Variants in TOX3 observed in about 807,000 individuals in gnomAD.
The protein encoded by TOX3 is TOX high mobility group box family member 3, also known as CAG trinucleotide repeat-containing gene F9 protein.
In TOX3, 22 loss-of-function variants were observed where a neutral mutation model predicts 64.3. That is an observed-to-expected ratio of 0.34 (90% CI 0.24 to 0.49). TOX3 has a LOEUF of 0.49. Ranked by LOEUF, TOX3 falls within the 20% of genes least tolerant of loss-of-function variation. The pLI is 0.99. For missense variants in TOX3, 661 were observed against 714.4 expected (o/e 0.93, Z 0.85); for synonymous variants, 291 against 273.6 (o/e 1.06, Z -0.63).
In TOX3 at chr16:52,444,262, C is replaced by T. The variant is rs1186887817; in HGVS notation, c.987+14G>A. ...TGACTATTTTGGAGCCTGGCCGCCC[C>T]TGCCCAGGTTTACCTTAGAAACGAG... On this transcript the variant is annotated intron_variant, in intron 6 of 6. Transcript: ENST00000219746. 3.2e-6 allele frequency: 5 copies of T among 1,547,062 alleles called. No individual in the cohort carries two copies. In the African/African-American group the frequency reaches 5.4e-5, roughly 17 times the overall value.
intron 1 of TOX3, among the ~76,000 whole-genome samples, chr16:52,542,573 G>A (rs768037459): frequency 2.2e-4 from 33 of 152,168 alleles, no homozygotes; most frequent in Non-Finnish European, 4.6e-4. Context: ...GCTGACGAAG[G>A]CTATCCCTTT....
chr16:52,512,043 T>G (rs1411974701), intron 1 of TOX3, among the ~76,000 whole-genome samples: 2 of 152,168 alleles, frequency 1.3e-5, no homozygotes, highest in East Asian at 3.8e-4. Context: ...AATCCTGCCA[T>G]ATCTGCCTCC....
intron 1 of TOX3, among the ~76,000 whole-genome samples, chr16:52,511,715 A>G (rs1021997796): frequency 6.6e-6 from 1 of 152,230 alleles, no homozygotes; most frequent in Non-Finnish European, 1.5e-5. Context: ...TAACCCAAAT[A>G]GTTCCAGAAA....
At chr16:52,444,460 G>C in intron 5 of TOX3, 104 bp from the exon 6 acceptor site, 1 of 903,398 alleles carries the variant, frequency 1.1e-6, no homozygotes, top group Non-Finnish European at 1.6e-6. Context: ...ACATAAAAAG[G>C]TTGGTCTCCT....
rs1961593869 is a variant in TOX3, at chr16:52,488,683, G to A, written c.88-20109C>T. 2.0e-5 allele frequency among the ~76,000 whole-genome samples: 3 copies of A among 152,058 alleles called. No individual in the cohort carries two copies. In the South Asian group the frequency reaches 6.2e-4, roughly 32 times the overall value. On this transcript the variant is annotated intron_variant, in intron 1 of 6. Coordinates refer to ENST00000219746, the MANE Select transcript of TOX3 (RefSeq NM_001080430.4). ...ATATTTACTTGGGTTCTAGGAAGTA[G>A]ACCAAAAAAATTGTCCTCAAATCTA...
intron 1 of TOX3, among the ~76,000 whole-genome samples, chr16:52,469,137 C>A (rs1268742722): frequency 6.6e-6 from 1 of 152,106 alleles, no homozygotes; most frequent in African/African-American, 2.4e-5. Flanking sequence ...TATCTATATC[C>A]ATCAGAGTTG....
chr16:52,546,819 CG>C lies in TOX3; in HGVS notation c.-97del. 2.4e-6 allele frequency: 3 copies of C among 1,276,036 alleles called. No individual in the cohort carries two copies. The highest frequency in any genetic ancestry group is 3.0e-6 in the Non-Finnish European group (3 of 1,012,150). The allele number at this position is 1,276,036 out of a possible 1,614,324, so 79.0% of individuals were successfully genotyped here. The stretch of plus-strand genomic sequence containing the variant: ...CGCTAGATCCACCGTCGAGGGCGCC[CG>C]GGGGTGGCGCGTGGGACTCGCGGCC... On this transcript the variant is annotated 5_prime_UTR_variant, in exon 1 of 7. Coordinates refer to ENST00000219746, the MANE Select transcript of TOX3 (RefSeq NM_001080430.4).
In TOX3 at chr16:52,475,745, A is replaced by G. The variant is rs1961188304; in HGVS notation, c.88-7171T>C. 2.6e-5 allele frequency: 4 copies of G among 152,198 alleles called. 1 individual carries two copies. The South Asian group carries it at 8.3e-4, about 32-fold the overall frequency. The allele number at this position is 152,198 out of a possible 1,614,324, so 9.4% of individuals were successfully genotyped here. A position where few individuals can be genotyped will look rare whatever the true frequency, so the allele number is the denominator to read the frequency against. On this transcript the variant is annotated intron_variant, in intron 1 of 6. Coordinates refer to ENST00000219746, the MANE Select transcript of TOX3 (RefSeq NM_001080430.4). The stretch of plus-strand genomic sequence containing the variant: ...TCTAATTTAAAATTTCCTCTTCTAA[A>G]AAAACTGCTTTATATTATAGGTCAG...
At chr16:52,468,470 A>C in intron 2 of TOX3, 39 bp downstream of exon 2, 2 of 1,581,912 alleles carry the variant, frequency 1.3e-6, no homozygotes, top group South Asian at 2.3e-5. Context: ...TCTCAATAAC[A>C]CAAAAAACAG....
rs898438379 is a variant in TOX3 at position 52,441,330 on chromosome 16, T to C, written c.988-1362A>G. 2.6e-5 allele frequency among the ~76,000 whole-genome samples: 4 copies of C among 152,318 alleles called. No individual in the cohort carries two copies. In the East Asian group the frequency reaches 7.7e-4, roughly 29 times the overall value. On this transcript the variant is annotated intron_variant, in intron 6 of 6. Transcript: ENST00000219746. ...TGAAGTTTTCACAATTTTAGAAATGTTTTAGTTCATCAACTATTTTTGAAG... is the reference window on the plus strand; with the variant it reads ...TGAAGTTTTCACAATTTTAGAAATGCTTTAGTTCATCAACTATTTTTGAAG...
chr16:52,436,454 A>T lies in TOX3; in HGVS notation c.*2771T>A, dbSNP rs1252762872. Among the ~76,000 whole-genome samples the T allele has an allele frequency of 6.6e-6, 1 of 152,148 alleles. No homozygotes were observed. The highest frequency in any genetic ancestry group is 1.5e-5 in the Non-Finnish European group (1 of 68,026). On this transcript the variant is annotated 3_prime_UTR_variant, in exon 7 of 7. Coordinates refer to ENST00000219746, the MANE Select transcript of TOX3 (RefSeq NM_001080430.4). ...TCCTGATTTATTTCTGACCTGTAAC[A>T]AAAGAAAAAGCGCACCAAGTACTTA...
At chr16:52,455,351 C>T (rs1960483288) in intron 3 of TOX3, among the ~76,000 whole-genome samples, 1 of 151,984 alleles carries the variant, frequency 6.6e-6, no homozygotes, top group Non-Finnish European at 1.5e-5. Flanking sequence ...CTGGCCTCTA[C>T]CCACTAGATA....
Position 52,453,561 on chromosome 16 carries a change from C to T in TOX3, c.409-3015G>A, listed in dbSNP as rs149752162. Reference sequence around the variant, plus strand: ...GTATCTACAGGCAAATTCTAGGGCACATTTAAATGAAGTATTTTAATTCTG... The same window carrying T: ...GTATCTACAGGCAAATTCTAGGGCATATTTAAATGAAGTATTTTAATTCTG... On this transcript the variant is annotated intron_variant, in intron 3 of 6. Coordinates refer to ENST00000219746, the MANE Select transcript of TOX3 (RefSeq NM_001080430.4). Among the ~76,000 whole-genome samples the T allele has an allele frequency of 4.1e-3, 620 of 152,172 alleles. 1 individual carries two copies. Among genetic ancestry groups the T allele is most frequent in the African/African-American group, 0.013 (520 of 41,516 alleles).
intron 5 of TOX3, 154 bp downstream of exon 5, chr16:52,445,840 T>C (rs1960146301): frequency 1.4e-6 from 1 of 712,748 alleles, no homozygotes; most frequent in East Asian, 2.7e-5. Context: ...GTTGTTTAGA[T>C]TTATATGTCT....
At chr16:52,461,320 T>C (rs1199141214) in intron 3 of TOX3, among the ~76,000 whole-genome samples, 1 of 152,176 alleles carries the variant, frequency 6.6e-6, no homozygotes, top group Non-Finnish European at 1.5e-5. Context: ...AAGTCACAAA[T>C]GCATCGACAT....
rs1447950429 is a variant in TOX3, at chr16:52,460,453, GA to G, written c.408+3480del. 7.9e-5 allele frequency among the ~76,000 whole-genome samples: 12 copies of G among 152,270 alleles called. No homozygotes were observed. The East Asian group carries it at 2.3e-3, about 29-fold the overall frequency. On this transcript the variant is annotated intron_variant, in intron 3 of 6. Coordinates refer to ENST00000219746, the MANE Select transcript of TOX3 (RefSeq NM_001080430.4). ...TCTGTTATGTACAACAGGCTAAGCT[GA>G]AAAGAATGTTAACAAGTTCAATTTT...
chr16:52,515,259 G>A (rs1962424476), intron 1 of TOX3, among the ~76,000 whole-genome samples: 1 of 151,472 alleles, frequency 6.6e-6, no homozygotes, highest in Non-Finnish European at 1.5e-5. Flanking sequence ...CTATGGCCTT[G>A]TCCTTGGTCC....
chr16:52,529,125 AC>A (rs1225079572), intron 1 of TOX3, among the ~76,000 whole-genome samples: 1 of 152,222 alleles, frequency 6.6e-6, no homozygotes, highest in Non-Finnish European at 1.5e-5. Flanking sequence ...AGGAATTAAT[AC>A]TTTTTGAATG....
chr16:52,448,717 C>T (rs969984550), intron 4 of TOX3, among the ~76,000 whole-genome samples: 10 of 152,212 alleles, frequency 6.6e-5, no homozygotes, highest in Admixed American at 4.6e-4. Flanking sequence ...ATAGATGATG[C>T]TCAGGGTTCT....
Sources: allele counts gnomAD v4.1 joint callset (sites outside exome capture counted in the v4.1 genomes callset), GRCh38; gene constraint gnomAD v4.1.1; transcripts MANE v1.5; gene names NCBI Gene and HGNC (gene_info 2026-07-23, HGNC 2026-07-21).